Variants in SYK observed in about 807,000 individuals in gnomAD.
SYK encodes spleen associated tyrosine kinase.
Under a neutral mutation model 77.8 loss-of-function variants are expected in SYK, and 16 were observed. The ratio of observed to expected loss-of-function variants is 0.21; its 90% confidence interval spans 0.14 to 0.31. The LOEUF (loss-of-function observed/expected upper bound fraction) is 0.31, where lower values mean the gene tolerates loss of function less well. Ranked by LOEUF, SYK falls within the 10% of genes least tolerant of loss-of-function variation. SYK has a pLI of 1.00. For missense variants in SYK, 529 were observed against 814.4 expected (o/e 0.65, Z 4.26); for synonymous variants, 312 against 308.7 (o/e 1.01, Z -0.11).
rs1826558910 is a variant in SYK, at chr9:90,845,570, G to A, written c.554G>A (p.Gly185Glu). 1.2e-6 allele frequency: 2 copies of A among 1,614,078 alleles called. No homozygotes were observed. Among genetic ancestry groups the A allele is most frequent in the East Asian group, 2.2e-5 (1 of 44,866 alleles). ...REESEQIVLI[G>E]SKTNGKFLIR... ...GAATCTGAGCAAATTGTCCTGATAG[G>A]ATCAAAGACAAATGGAAAGTTCCTG... The change falls in exon 3 of 14, where the codon GGA (glycine) becomes GAA (glutamate). Residue 185 changes from glycine to glutamate, a missense_variant. Gly to Glu is a moderately conservative substitution (Grantham distance 98). Transcript: ENST00000375754.
chr9:90,866,047 C>T (rs1827478576), intron 6 of SYK, among the ~76,000 whole-genome samples: 1 of 151,896 alleles, frequency 6.6e-6, no homozygotes, highest in Admixed American at 6.6e-5. Context: ...TACAGGCGCC[C>T]GCCACAACAC....
intron 1 of SYK, among the ~76,000 whole-genome samples, chr9:90,806,758 T>C (rs944984664): frequency 6.6e-6 from 1 of 152,256 alleles, no homozygotes; most frequent in South Asian, 2.1e-4. Context: ...TCCATCAGGG[T>C]GCATTCTGAA....
At chr9:90,808,461 G>GT (rs10573213) in intron 1 of SYK, among the ~76,000 whole-genome samples, 40,304 of 142,766 alleles carry the variant, frequency 0.28, 6,689 homozygotes, top group East Asian at 0.51. Context: ...GTGTGTGTTG[G>GT]TTTTTTTTTT....
At position 90,877,728 on chromosome 9, in the gene SYK, G is replaced by T. The variant is rs1375203726; in HGVS notation, c.1339G>T (p.Val447Phe). 1.2e-6 allele frequency: 2 copies of T among 1,614,234 alleles called. No homozygotes were observed. Among genetic ancestry groups the T allele is most frequent in the Admixed American group, 3.3e-5 (2 of 60,036 alleles). ...GICEAESWML[V>F]MEMAELGPLN... is the part of the protein sequence containing the mutation. ...ATGCGAGGCCGAGTCCTGGATGCTG[G>T]TTATGGAGATGGCAGAACTTGGTCC... Residue 447 changes from valine (V) to phenylalanine (F), a missense_variant, in exon 10 of 14, where the codon GTT (valine) becomes TTT (phenylalanine). Physicochemically the swap from Val to Phe is conservative, Grantham distance 50. Around this residue, in one of 2 missense-constraint regions of SYK, gnomAD observed 208 missense variants for 381.3 expected, o/e 0.55. Transcript: ENST00000375754.
chr9:90,833,713 A>G (rs553000592), intron 1 of SYK, among the ~76,000 whole-genome samples: 11 of 152,356 alleles, frequency 7.2e-5, no homozygotes, highest in African/African-American at 2.6e-4. Flanking sequence ...TTGCTGCCTG[A>G]TAAGGTAGAA....
At chr9:90,870,762 A>G (rs1347947543) in intron 7 of SYK, among the ~76,000 whole-genome samples, 4 of 152,200 alleles carry the variant, frequency 2.6e-5, no homozygotes, top group East Asian at 3.8e-4. Context: ...AACCAAACCT[A>G]GTTTATTGCA....
chr9:90,896,879 T>C lies in SYK; in HGVS notation c.*1279T>C, dbSNP rs1829008660. The C allele has an allele frequency of 5.1e-6, 1 of 196,542 alleles. No homozygotes were observed. The highest frequency in any genetic ancestry group is 1.1e-5 in the Non-Finnish European group (1 of 94,874). 12.2% of individuals were successfully genotyped at this position (196,542 alleles called of 1,614,324 possible). ...CCATCTCTACTAAAAATACAAAAAT[T>C]AGCCGGGCATGGTGGCATGTGTCTG... On this transcript the variant is annotated 3_prime_UTR_variant, in exon 14 of 14. Transcript: ENST00000375754.
At chr9:90,808,488 G>A (rs1225225441) in intron 1 of SYK, among the ~76,000 whole-genome samples, 1 of 150,314 alleles carries the variant, frequency 6.7e-6, no homozygotes, top group Admixed American at 6.6e-5. Flanking sequence ...GGTACCCTAG[G>A]CATTAGTCTT....
At chr9:90,870,635 T>C (rs751458734) in intron 7 of SYK, among the ~76,000 whole-genome samples, 6 of 152,244 alleles carry the variant, frequency 3.9e-5, no homozygotes, top group Non-Finnish European at 7.4e-5. Flanking sequence ...ATTGCAGAGG[T>C]CAAGTGTTAT....
intron 9 of SYK, 131 bp downstream of exon 9, chr9:90,874,980 G>A: frequency 8.8e-7 from 1 of 1,133,064 alleles, no homozygotes; most frequent in Non-Finnish European, 1.2e-6. Context: ...GTTAATTTCT[G>A]GTACTATTAT....
At chr9:90,851,746 A>G (rs1045540899) in intron 3 of SYK, among the ~76,000 whole-genome samples, 1 of 152,202 alleles carries the variant, frequency 6.6e-6, no homozygotes, top group East Asian at 1.9e-4. Flanking sequence ...GTGAAAAATG[A>G]ATTTGTTAGG....
intron 11 of SYK, among the ~76,000 whole-genome samples, chr9:90,880,758 G>A (rs563443720): frequency 6.6e-6 from 1 of 152,364 alleles, no homozygotes; most frequent in East Asian, 1.9e-4. Flanking sequence ...AGGGTTCAGT[G>A]CGTCTGCTCA....
rs1163023178 is a variant in SYK, at chr9:90,874,208, C to T, written c.920C>T (p.Ser307Phe). 1.2e-6 allele frequency: 2 copies of T among 1,614,044 alleles called. No homozygotes were observed. Among genetic ancestry groups the T allele is most frequent in the South Asian group, 1.1e-5 (1 of 91,068 alleles). ...GTTGTCCTTTATGTACTTTAGTCCT[C>T]CCCTGCCCAAGGGAACCGGCAAGAG... ...SFPKPGHRKSSPAQGNRQEST... is the reference protein window; with the variant it reads ...SFPKPGHRKSFPAQGNRQEST... The change falls in exon 8 of 14, where the codon TCC becomes TTC. Residue 307 changes from serine (S) to phenylalanine (F), a missense_variant. By Grantham distance (155) the Ser-to-Phe change is radical. This residue lies in a region of SYK where 321 missense variants were observed against 433.1 expected (regional missense o/e 0.74). Transcript: ENST00000375754.
Position 90,882,218 on chromosome 9 carries a change from C to A in SYK, c.1581+3265C>A, listed in dbSNP as rs528355968. ...CATCAGTTCAAAATTCAGAAGAAAC[C>A]TGAAATAACACACATGGTTGTATTG... On this transcript the variant is annotated intron_variant, in intron 11 of 13. Transcript: ENST00000375754. Among the ~76,000 whole-genome samples the A allele has an allele frequency of 4.6e-5, 7 of 152,268 alleles. No individual in the cohort carries two copies. In the East Asian group the frequency reaches 5.8e-4, roughly 13 times the overall value.
chr9:90,810,387 G>C (rs1383338219), intron 1 of SYK, among the ~76,000 whole-genome samples: 1 of 152,132 alleles, frequency 6.6e-6, no homozygotes, highest in Non-Finnish European at 1.5e-5. Context: ...GTTGGAGTAG[G>C]GCTCACCCTA....
intron 1 of SYK, among the ~76,000 whole-genome samples, chr9:90,821,846 A>G (rs1825529903): frequency 6.6e-6 from 1 of 152,186 alleles, no homozygotes; most frequent in African/African-American, 2.4e-5. Flanking sequence ...CCCTAGGTGT[A>G]AGAAGGCTGT....
At chr9:90,872,829 A>G (rs1484774269) in intron 7 of SYK, among the ~76,000 whole-genome samples, 1 of 152,242 alleles carries the variant, frequency 6.6e-6, no homozygotes, top group African/African-American at 2.4e-5. Context: ...TGGACGTGGC[A>G]CAGTTCCGAG....
chr9:90,843,876 G>A lies in SYK; in HGVS notation c.-23G>A, dbSNP rs2118627396. On this transcript the variant is annotated 5_prime_UTR_variant, in exon 2 of 14. It adds an upstream start codon to the 5' untranslated region. Coordinates refer to ENST00000375754, the MANE Select transcript of SYK (RefSeq NM_003177.7). ...TGCCCAGGTGGACACCTGCGCAGGTGTGTGCCCTCCGGCCCCTGAAGCATG... is the reference window on the plus strand; with the variant it reads ...TGCCCAGGTGGACACCTGCGCAGGTATGTGCCCTCCGGCCCCTGAAGCATG... The A allele has an allele frequency of 6.7e-7, 1 of 1,491,408 alleles. No individual in the cohort carries two copies. The allele number at this position is 1,491,408 out of a possible 1,614,324, so 92.4% of individuals were successfully genotyped here.
At position 90,879,007 on chromosome 9, in the gene SYK, A is replaced by G. The variant is rs146449662; in HGVS notation, c.1581+54A>G. The G allele has an allele frequency of 1.2e-4, 162 of 1,325,944 alleles. No individual in the cohort carries two copies. In the African/African-American group the frequency reaches 2.0e-3, roughly 16 times the overall value. The allele number at this position is 1,325,944 out of a possible 1,614,324, so 82.1% of individuals were successfully genotyped here. A position where few individuals can be genotyped will look rare whatever the true frequency, so the allele number is the denominator to read the frequency against. ...CAGCAGGTGGTAAAAAATGCAAGAT[A>G]AATGTACGTTTTCTTTATTTTATTA... On this transcript the variant is annotated intron_variant, in intron 11 of 13. Coordinates refer to ENST00000375754, the MANE Select transcript of SYK (RefSeq NM_003177.7).
Sources: allele counts gnomAD v4.1 joint callset (sites outside exome capture counted in the v4.1 genomes callset), GRCh38; gene constraint gnomAD v4.1.1; regional missense constraint gnomAD v4.1.1; transcripts MANE v1.5; gene names NCBI Gene and HGNC (gene_info 2026-07-23, HGNC 2026-07-21).